NCOA2: variants seen among roughly 807,000 people sequenced by gnomAD.
NCOA2 encodes the protein nuclear receptor coactivator 2.
Under a neutral mutation model 145.1 loss-of-function variants are expected in NCOA2, and 21 were observed. The observed-to-expected ratio is 0.14, with a 90% CI of 0.10 to 0.21. NCOA2 has a LOEUF of 0.21. Among genes scored for constraint, NCOA2 ranks in the 10% least tolerant of loss-of-function variants. The pLI, the probability that NCOA2 is intolerant of heterozygous loss-of-function variation, is 1.00. For synonymous variants in NCOA2, 619 were observed against 637.5 expected (o/e 0.97, Z 0.44); for missense variants, 1,472 against 1,837.6 (o/e 0.80, Z 3.64).
Position 70,110,449 on chromosome 8 carries a change from T to G in NCOA2, c.*3183A>C, listed in dbSNP as rs1806442953. Reference sequence around the variant, plus strand: ...TATAAAGAAACACCAGGGAGAAAATTCTAATTAAAATCGAAGCCACTACAG... The same window carrying G: ...TATAAAGAAACACCAGGGAGAAAATGCTAATTAAAATCGAAGCCACTACAG... On this transcript the variant is annotated 3_prime_UTR_variant, in exon 23 of 23. Coordinates refer to ENST00000452400, the MANE Select transcript of NCOA2 (RefSeq NM_006540.4). 1.0e-5 allele frequency: 2 copies of G among 196,498 alleles called. No homozygotes were observed. 12.2% of individuals were successfully genotyped at this position (196,498 alleles called of 1,614,324 possible). A position where few individuals can be genotyped will look rare whatever the true frequency, so the allele number is the denominator to read the frequency against.
chr8:70,230,468 T>C (rs949849737), intron 2 of NCOA2, among the ~76,000 whole-genome samples: 7 of 152,184 alleles, frequency 4.6e-5, no homozygotes, highest in African/African-American at 1.7e-4. Context: ...CTGAATTTTA[T>C]GTGAATTATA....
At chr8:70,312,515 C>T (rs1805217721) in intron 1 of NCOA2, among the ~76,000 whole-genome samples, 1 of 151,768 alleles carries the variant, frequency 6.6e-6, no homozygotes, top group Non-Finnish European at 1.5e-5. Context: ...ATATATACTT[C>T]AGACTTTTTA....
intron 1 of NCOA2, among the ~76,000 whole-genome samples, chr8:70,311,014 T>C (rs557392480): frequency 3.0e-4 from 45 of 152,214 alleles, no homozygotes; most frequent in Non-Finnish European, 1.2e-4. Context: ...TATGGTCTCT[T>C]AGGCAAAAGA....
At chr8:70,351,857 A>G (rs1441161918) in intron 1 of NCOA2, among the ~76,000 whole-genome samples, 1 of 151,390 alleles carries the variant, frequency 6.6e-6, no homozygotes, top group African/African-American at 2.4e-5. Flanking sequence ...TGCTAGGACT[A>G]CAGGTGTGAG....
chr8:70,399,752 G>A (rs1363405780), intron 1 of NCOA2, among the ~76,000 whole-genome samples: 1 of 152,206 alleles, frequency 6.6e-6, no homozygotes, highest in African/African-American at 2.4e-5. Context: ...GTGCATTTCA[G>A]AAAAATTGTT....
chr8:70,403,319 C>T (rs1814547186), intron 1 of NCOA2, among the ~76,000 whole-genome samples: 1 of 151,374 alleles, frequency 6.6e-6, no homozygotes, highest in Non-Finnish European at 1.5e-5. Context: ...CCCCCGGCCG[C>T]GCCTCGGCGC....
rs887201368 is a variant in NCOA2 at position 70,111,744 on chromosome 8, T to G, written c.*1888A>C. Reference sequence around the variant, plus strand: ...CATAATGCGTACATATAGAGAGAGATATAAGTATAAATAGGGGTAGTTTGT... The same window carrying G: ...CATAATGCGTACATATAGAGAGAGAGATAAGTATAAATAGGGGTAGTTTGT... On this transcript the variant is annotated 3_prime_UTR_variant, in exon 23 of 23. Transcript: ENST00000452400. 8 of 218,324 alleles carry G rather than the reference T, an allele frequency of 3.7e-5. No individual in the cohort carries two copies. The highest frequency in any genetic ancestry group is 6.4e-5 in the Non-Finnish European group (7 of 108,862). 13.5% of individuals were successfully genotyped at this position (218,324 alleles called of 1,614,324 possible).
intron 9 of NCOA2, among the ~76,000 whole-genome samples, chr8:70,160,447 A>G (rs575015023): frequency 2.0e-5 from 3 of 152,290 alleles, no homozygotes; most frequent in South Asian, 4.1e-4. Flanking sequence ...TAAAGCTACT[A>G]TGTTTTATAA....
intron 2 of NCOA2, among the ~76,000 whole-genome samples, chr8:70,217,433 C>G (rs1819729027): frequency 6.6e-6 from 1 of 152,104 alleles, no homozygotes; most frequent in African/African-American, 2.4e-5. Context: ...CAGCTCGCCT[C>G]CCTGCACACA....
At chr8:70,411,128 A>G in the NCOA2 span, among the ~76,000 whole-genome samples, 4 of 152,222 alleles carry the variant, frequency 2.6e-5, no homozygotes, top group Non-Finnish European at 5.9e-5. Context: ...GTTCCCCAGT[A>G]TAATGAAGTA....
chr8:70,216,919 T>C (rs185979024), intron 2 of NCOA2, among the ~76,000 whole-genome samples, 155 bp from the exon 3 acceptor site: 45 of 152,346 alleles, frequency 3.0e-4, no homozygotes, highest in African/African-American at 9.6e-4. Context: ...ATTTCTAATA[T>C]AAAAGCCGTC....
At chr8:70,293,684 A>G (rs1008716118) in intron 2 of NCOA2, among the ~76,000 whole-genome samples, 6 of 152,252 alleles carry the variant, frequency 3.9e-5, no homozygotes, top group African/African-American at 1.4e-4. Flanking sequence ...TCTGTAGTGA[A>G]AGGAAAATTA....
At chr8:70,327,797 GAGAC>G (rs915504460) in intron 1 of NCOA2, among the ~76,000 whole-genome samples, 29 of 152,270 alleles carry the variant, frequency 1.9e-4, no homozygotes, top group Admixed American at 1.6e-3. Context: ...GATAGATGGA[GAGAC>G]AGACAGACAG....
At chr8:70,316,986 T>C (rs1805633139) in intron 1 of NCOA2, among the ~76,000 whole-genome samples, 2 of 152,198 alleles carry the variant, frequency 1.3e-5, no homozygotes, top group African/African-American at 4.8e-5. Flanking sequence ...GTTCAGACTC[T>C]GATCTCTGCG....
chr8:70,307,993 T>G (rs1828025493), intron 1 of NCOA2, among the ~76,000 whole-genome samples: 1 of 152,168 alleles, frequency 6.6e-6, no homozygotes, highest in Admixed American at 6.5e-5. Flanking sequence ...CCCAATTATT[T>G]ACATAATAAA....
chr8:70,355,115 CAAGTT>C (rs1254978990), intron 1 of NCOA2, among the ~76,000 whole-genome samples: 3 of 152,306 alleles, frequency 2.0e-5, no homozygotes, highest in Admixed American at 6.5e-5. Context: ...GAATGCTGAT[CAAGTT>C]ATCAATTGTA....
At position 70,216,501 on chromosome 8, in the gene NCOA2, T is replaced by C. The variant is rs545154899; in HGVS notation, c.86+159A>G. Among the ~76,000 whole-genome samples the C allele has an allele frequency of 2.6e-5, 4 of 152,332 alleles. No homozygotes were observed. In the East Asian group the frequency reaches 7.7e-4, roughly 29 times the overall value. Reference sequence around the variant, plus strand: ...ATACAATCTGTAACTGATTTGCATATTCAAAATGTAAGCAAGTACATATTC... The same window carrying C: ...ATACAATCTGTAACTGATTTGCATACTCAAAATGTAAGCAAGTACATATTC... On this transcript the variant is annotated intron_variant, in intron 3 of 22. Transcript: ENST00000452400.
intron 2 of NCOA2, among the ~76,000 whole-genome samples, chr8:70,225,854 C>T (rs965341066): frequency 2.6e-5 from 4 of 152,148 alleles, no homozygotes; most frequent in Non-Finnish European, 5.9e-5. Context: ...ATATTTGACC[C>T]GTGGCAAGTT....
chr8:70,278,633 C>T (rs1825644302), intron 2 of NCOA2, among the ~76,000 whole-genome samples: 1 of 152,106 alleles, frequency 6.6e-6, no homozygotes, highest in East Asian at 1.9e-4. Context: ...GTATTGCCCT[C>T]CTCTAGTCCA....
Sources: allele counts gnomAD v4.1 joint callset (sites outside exome capture counted in the v4.1 genomes callset), GRCh38; gene constraint gnomAD v4.1.1; transcripts MANE v1.5; gene names NCBI Gene and HGNC (gene_info 2026-07-23, HGNC 2026-07-21).